The following RIMBP2 variants were observed in gnomAD, a reference collection of about 807,000 sequenced individuals.
RIMBP2 encodes RIMS binding protein 2.
Under a neutral mutation model 118.6 loss-of-function variants are expected in RIMBP2, and 48 were observed. The ratio of observed to expected loss-of-function variants is 0.40; its 90% CI spans 0.32 to 0.51. The LOEUF (loss-of-function observed/expected upper bound fraction) is 0.51, where lower values mean the gene tolerates loss of function less well. RIMBP2 is among the 20% of genes least tolerant of loss of function. The pLI, the probability that RIMBP2 is intolerant of heterozygous loss-of-function variation, is 0.41. For synonymous variants in RIMBP2, 762 were observed against 742.9 expected (o/e 1.03, Z -0.42); for missense variants, 1,551 against 1,768.3 (o/e 0.88, Z 2.20).
In RIMBP2 at chr12:130,620,652, G is replaced by A. The variant is rs1048057211; in HGVS notation, c.-217+7670C>T. On this transcript the variant is annotated intron_variant, in intron 2 of 22. Coordinates refer to ENST00000690449, the MANE Select transcript of RIMBP2 (RefSeq NM_001393629.1). The surrounding 1 kb of genome is among the most constrained non-coding windows in gnomAD (Gnocchi z 5.3). ...TGGTGGCTGACATTCTTGGTACTTC[G>A]TGGCTCCTAGAAGCACCACCCCAAT... 7.2e-5 allele frequency among the ~76,000 whole-genome samples: 11 copies of A among 152,186 alleles called. No homozygotes were observed. Among genetic ancestry groups the A allele is most frequent in the Admixed American group, 2.6e-4 (4 of 15,284 alleles).
intron 1 of RIMBP2, among the ~76,000 whole-genome samples, chr12:130,701,167 G>T (rs116047109): frequency 0.011 from 1,647 of 152,292 alleles, 35 homozygotes; most frequent in African/African-American, 0.037. Context: ...TAGACAGGGA[G>T]CCACTCTGAG....
chr12:130,664,480 C>T (rs1013148631), intron 1 of RIMBP2, among the ~76,000 whole-genome samples: 5 of 151,090 alleles, frequency 3.3e-5, no homozygotes, highest in East Asian at 1.9e-4. Context: ...CGCACGCACA[C>T]GCATCACACA....
intron 1 of RIMBP2, among the ~76,000 whole-genome samples, chr12:130,643,812 C>T (rs76260838): frequency 0.023 from 3,495 of 152,236 alleles, 124 homozygotes; most frequent in African/African-American, 0.08. Context: ...CGCAAGCAGA[C>T]AACAGCCAGT....
intron 1 of RIMBP2, among the ~76,000 whole-genome samples, chr12:130,631,781 T>C (rs1047120566): frequency 6.6e-6 from 1 of 152,096 alleles, no homozygotes; most frequent in Non-Finnish European, 1.5e-5. Flanking sequence ...AGGGACTGGG[T>C]ATGGAAAGAA....
At position 130,713,887 on chromosome 12, in the gene RIMBP2, G is replaced by C. The variant is rs573122902; in HGVS notation, c.-352+2335C>G. ...AACAGAGAGCTGGCAACATGCCCCA[G>C]AGATGCGTAAAGCGCCTCCTGGTCA... On this transcript the variant is annotated intron_variant, in intron 1 of 22. Transcript: ENST00000690449. 2.4e-4 allele frequency among the ~76,000 whole-genome samples: 36 copies of C among 152,318 alleles called. No homozygotes were observed. The South Asian group carries it at 5.4e-3, about 23-fold the overall frequency.
intron 6 of RIMBP2, among the ~76,000 whole-genome samples, chr12:130,468,663 C>T (rs1258579941): frequency 6.6e-5 from 10 of 152,306 alleles, no homozygotes; most frequent in East Asian, 5.8e-4. Context: ...GTCCACACAA[C>T]GCAGAGGCAG....
At chr12:130,490,843 CAACTCACCCCGG>C (rs1030258035) in intron 4 of RIMBP2, among the ~76,000 whole-genome samples, 9 of 152,172 alleles carry the variant, frequency 5.9e-5, no homozygotes, top group African/African-American at 2.2e-4. Context: ...GGCCAAATGC[CAACTCACCCCGG>C]AACTCAGCCA....
chr12:130,448,537 G>A (rs963425024), intron 9 of RIMBP2, among the ~76,000 whole-genome samples: 1 of 152,262 alleles, frequency 6.6e-6, no homozygotes, highest in Non-Finnish European at 1.5e-5. Flanking sequence ...CCCCTGTGCT[G>A]GCATTGAGGG....
chr12:130,664,465 A>ACACACACAGGCACGCACACACACACATG (rs74195662), intron 1 of RIMBP2, among the ~76,000 whole-genome samples: 3 of 122,634 alleles, frequency 2.4e-5, no homozygotes, highest in Non-Finnish European at 5.4e-5. Flanking sequence ...ATGCACGCAC[A>ACACACACAGGCACGCACACACACACATG]CACACGCACG....
intron 2 of RIMBP2, among the ~76,000 whole-genome samples, chr12:130,619,179 A>G (rs1176287967): frequency 2.6e-5 from 4 of 152,136 alleles, no homozygotes; most frequent in African/African-American, 9.7e-5. Context: ...CTTCTGCGCT[A>G]TTTTCAGAGC....
At chr12:130,693,624 T>C (rs1401340630) in intron 1 of RIMBP2, among the ~76,000 whole-genome samples, 1 of 152,182 alleles carries the variant, frequency 6.6e-6, no homozygotes, top group Non-Finnish European at 1.5e-5. Flanking sequence ...CATATGCATT[T>C]TGGCCTTCTC....
At chr12:130,603,702 T>C (rs997596326) in intron 2 of RIMBP2, among the ~76,000 whole-genome samples, 1 of 152,178 alleles carries the variant, frequency 6.6e-6, no homozygotes, top group East Asian at 1.9e-4. Flanking sequence ...AAGCTCGCTG[T>C]AGCCCTATAG....
rs1297989858 is a variant in RIMBP2 at position 130,431,548 on chromosome 12, TTA to T, written c.2253+3184_2253+3185del. ...AAATGGAAAATAAGTATCACTTATT[TTA>T]TGTTATATTATTATATTATTAACAA... On this transcript the variant is annotated intron_variant, in intron 14 of 22. Transcript: ENST00000690449. The surrounding 1 kb of genome is among the most constrained non-coding windows in gnomAD (Gnocchi z 4.0). 6.7e-5 allele frequency: 16 copies of T among 238,550 alleles called. No individual in the cohort carries two copies. Among genetic ancestry groups the T allele is most frequent in the African/African-American group, 1.6e-4 (7 of 43,988 alleles). The allele number at this position is 238,550 out of a possible 1,614,324, so 14.8% of individuals were successfully genotyped here.
chr12:130,586,122 G>A (rs548673748), intron 2 of RIMBP2, among the ~76,000 whole-genome samples: 11 of 152,334 alleles, frequency 7.2e-5, no homozygotes, highest in African/African-American at 2.6e-4. Flanking sequence ...TGAGATAAAT[G>A]TATTTCATAG....
At chr12:130,595,292 C>T (rs974314374) in intron 2 of RIMBP2, among the ~76,000 whole-genome samples, 1 of 152,202 alleles carries the variant, frequency 6.6e-6, no homozygotes, top group African/African-American at 2.4e-5. Context: ...GGCGCGGTGG[C>T]TCACGCCTGT....
At chr12:130,597,280 G>A (rs750041312) in intron 2 of RIMBP2, among the ~76,000 whole-genome samples, 19 of 152,222 alleles carry the variant, frequency 1.2e-4, no homozygotes, top group Non-Finnish European at 2.1e-4. Flanking sequence ...GTCTCGCTCT[G>A]TCTCCCAGGC....
chr12:130,480,693 T>C (rs1173944314), intron 4 of RIMBP2, among the ~76,000 whole-genome samples: 2 of 152,146 alleles, frequency 1.3e-5, no homozygotes, highest in South Asian at 2.1e-4. Context: ...CTCCACCTCC[T>C]GGGTTCAAGC....
At chr12:130,518,318 CA>C (rs1566183700) in intron 2 of RIMBP2, among the ~76,000 whole-genome samples, 3 of 152,074 alleles carry the variant, frequency 2.0e-5, no homozygotes, top group African/African-American at 7.2e-5. Context: ...TTTAGCCACT[CA>C]AAAATAAGAT....
chr12:130,636,031 G>A (rs374010960), intron 1 of RIMBP2, among the ~76,000 whole-genome samples: 3 of 152,044 alleles, frequency 2.0e-5, no homozygotes, highest in African/African-American at 7.2e-5. Context: ...ACCTGGTTCC[G>A]CTAAGCCCTC....
Sources: allele counts gnomAD v4.1 joint callset (sites outside exome capture counted in the v4.1 genomes callset), GRCh38; gene constraint gnomAD v4.1.1; non-coding constraint Gnocchi (gnomAD v3.1); transcripts MANE v1.5; gene names NCBI Gene and HGNC (gene_info 2026-07-23, HGNC 2026-07-21).